RBFOX1: variants seen among roughly 807,000 people sequenced by gnomAD.
RBFOX1 encodes the protein RNA binding fox-1 homolog 1, also known as RNA binding protein fox-1 homolog 1.
A neutral mutation model predicts 57.7 loss-of-function variants in RBFOX1; 8 were observed. That is an observed-to-expected ratio of 0.14 (90% CI 0.08 to 0.25). The LOEUF (loss-of-function observed/expected upper bound fraction) is 0.25, where lower values mean the gene tolerates loss of function less well. Among genes scored for constraint, RBFOX1 ranks in the 10% least tolerant of loss-of-function variants. The pLI, the probability that RBFOX1 is intolerant of heterozygous loss-of-function variation, is 1.00. For missense variants in RBFOX1, 611 were observed against 548.5 expected (o/e 1.11, Z -1.14); for synonymous variants, 326 against 222.4 (o/e 1.47, Z -4.15).
intron 2 of RBFOX1, among the ~76,000 whole-genome samples, chr16:5,584,011 C>T (rs1385842297): frequency 1.3e-5 from 2 of 152,172 alleles, no homozygotes. Context: ...GGGTCACATC[C>T]CTCTAATCAG....
chr16:6,824,198 A>G (rs535811359), intron 3 of RBFOX1, among the ~76,000 whole-genome samples: 4 of 152,224 alleles, frequency 2.6e-5, no homozygotes, highest in Admixed American at 6.5e-5. Context: ...TGAGGTCAGG[A>G]GTTCGAGACC....
intron 4 of RBFOX1, among the ~76,000 whole-genome samples, chr16:5,966,450 C>G (rs970518978): frequency 9.9e-5 from 15 of 151,950 alleles, no homozygotes; most frequent in African/African-American, 3.1e-4. Flanking sequence ...ATGCCACACA[C>G]TTTTTTTTGG....
At chr16:5,434,688 A>T (rs139407128) in intron 1 of RBFOX1, among the ~76,000 whole-genome samples, 218 of 152,252 alleles carry the variant, frequency 1.4e-3, no homozygotes, top group African/African-American at 5.0e-3. Flanking sequence ...ATCTGTTTAA[A>T]ATCCTGCATC....
rs150291342 is a variant in RBFOX1, at chr16:6,894,350, ACAGT to A, written c.-15-157701_-15-157698del. On this transcript the variant is annotated intron_variant, in intron 3 of 15. Transcript: ENST00000550418. ...TAGCTCTGTGTTCTGTGTGACTTTG[ACAGT>A]CAGTCTCATGGATGGGTGAAATGAA... Among the ~76,000 whole-genome samples the A allele has an allele frequency of 5.5e-3, 833 of 152,264 alleles. 16 individuals are homozygous for A. Among genetic ancestry groups the A allele is most frequent in the African/African-American group, 0.019 (798 of 41,566 alleles).
intron 4 of RBFOX1, among the ~76,000 whole-genome samples, chr16:7,319,202 C>A (rs1053101926): frequency 6.6e-6 from 1 of 152,110 alleles, no homozygotes; most frequent in Non-Finnish European, 1.5e-5. Flanking sequence ...GAGGTCTGTG[C>A]CGTAATCCTA....
At chr16:6,532,835 G>A (rs1332597336) in intron 2 of RBFOX1, among the ~76,000 whole-genome samples, 1 of 152,174 alleles carries the variant, frequency 6.6e-6, no homozygotes, top group African/African-American at 2.4e-5. Flanking sequence ...AATGTGAGAA[G>A]GCAAAGATCT....
chr16:5,613,384 G>A (rs1471958830), intron 3 of RBFOX1, among the ~76,000 whole-genome samples: 1 of 152,108 alleles, frequency 6.6e-6, no homozygotes, highest in African/African-American at 2.4e-5. Context: ...GTACGTGGGT[G>A]CAACGTTACC....
At chr16:5,409,071 A>G (rs957786970) in intron 1 of RBFOX1, among the ~76,000 whole-genome samples, 12 of 152,204 alleles carry the variant, frequency 7.9e-5, no homozygotes, top group African/African-American at 2.9e-4. Flanking sequence ...AGCTGTGCTA[A>G]GTGTTAAGGT....
intron 1 of RBFOX1, among the ~76,000 whole-genome samples, chr16:5,435,321 C>T (rs2067882977): frequency 6.6e-6 from 1 of 152,144 alleles, no homozygotes; most frequent in South Asian, 2.1e-4. Flanking sequence ...ACCAGACCTC[C>T]CTTCTGAATT....
chr16:6,892,485 C>T (rs1487753563), intron 3 of RBFOX1, among the ~76,000 whole-genome samples: 2 of 152,050 alleles, frequency 1.3e-5, no homozygotes, highest in African/African-American at 2.4e-5. Flanking sequence ...GCCTGGCCAA[C>T]ACGGTGAAAC....
intron 2 of RBFOX1, among the ~76,000 whole-genome samples, chr16:6,451,976 A>G (rs1295038588): frequency 8.5e-6 from 1 of 117,508 alleles, no homozygotes; most frequent in Non-Finnish European, 1.7e-5. Flanking sequence ...CCTTCCTTCC[A>G]TGACTCTATC....
At chr16:6,989,951 A>G (rs1251635491) in intron 3 of RBFOX1, among the ~76,000 whole-genome samples, 2 of 152,128 alleles carry the variant, frequency 1.3e-5, no homozygotes, top group East Asian at 3.9e-4. Flanking sequence ...CAGTGAACTG[A>G]GACCGCACCA....
intron 4 of RBFOX1, among the ~76,000 whole-genome samples, chr16:7,444,005 A>G (rs1253711335): frequency 6.6e-6 from 1 of 152,188 alleles, no homozygotes; most frequent in Non-Finnish European, 1.5e-5. Flanking sequence ...TTGCCTATGA[A>G]GAAATAGTTA....
chr16:6,828,962 G>A (rs939277055), intron 3 of RBFOX1, among the ~76,000 whole-genome samples: 14 of 151,552 alleles, frequency 9.2e-5, no homozygotes, highest in Middle Eastern at 3.4e-3. Flanking sequence ...TTTCTTGAGT[G>A]TGTACTTTTC....
chr16:6,630,127 A>G (rs1220274142), intron 2 of RBFOX1, among the ~76,000 whole-genome samples: 1 of 151,950 alleles, frequency 6.6e-6, no homozygotes, highest in Non-Finnish European at 1.5e-5. Context: ...ACATCTCATT[A>G]TTTTACTCAG....
intron 4 of RBFOX1, among the ~76,000 whole-genome samples, chr16:7,160,968 A>G (rs1244006655): frequency 6.6e-6 from 1 of 152,098 alleles, no homozygotes; most frequent in Non-Finnish European, 1.5e-5. Context: ...ACAAACCTTC[A>G]ATGGTTAGGA....
intron 4 of RBFOX1, among the ~76,000 whole-genome samples, chr16:7,367,643 C>T (rs996660716): frequency 6.6e-6 from 1 of 152,114 alleles, no homozygotes; most frequent in Non-Finnish European, 1.5e-5. Flanking sequence ...GTGCATCAGT[C>T]AGTTCAATGG....
intron 4 of RBFOX1, among the ~76,000 whole-genome samples, chr16:7,338,346 C>T (rs1030907466): frequency 6.6e-6 from 1 of 152,096 alleles, no homozygotes; most frequent in African/African-American, 2.4e-5. Context: ...CAATGTATGC[C>T]TCTCTGACGT....
chr16:5,289,030 C>T (rs2063468758), intron 1 of RBFOX1, among the ~76,000 whole-genome samples: 1 of 152,166 alleles, frequency 6.6e-6, no homozygotes, highest in African/African-American at 2.4e-5. Context: ...GAGGCTGAGG[C>T]AGGGGAATCG....
Sources: gnomAD v4.1 joint callset for allele counts (sites outside exome capture counted in the v4.1 genomes callset) on GRCh38, gnomAD v4.1.1 for gene constraint, MANE v1.5 for transcripts, NCBI Gene and HGNC (gene_info 2026-07-23, HGNC 2026-07-21) for gene names.